The following ANAPC2 variants were observed in gnomAD, a reference collection of about 807,000 sequenced individuals.
The protein encoded by ANAPC2 is anaphase-promoting complex subunit 2.
ANAPC2 carries 29 observed loss-of-function variants against 84.3 expected under a neutral mutation model. The observed-to-expected ratio is 0.34, with a 90% confidence interval of 0.26 to 0.47. The LOEUF is 0.47. ANAPC2 is among the 20% of genes least tolerant of loss of function. The probability of loss-of-function intolerance (pLI) is 1.00; values close to 1 mark genes in which losing one functional copy is unlikely to be tolerated. For synonymous variants in ANAPC2, 571 were observed against 479.4 expected (o/e 1.19, Z -2.50); for missense variants, 857 against 1,131.7 (o/e 0.76, Z 3.48).
Position 137,174,861 on chromosome 9 carries a change from G to A in ANAPC2, c.*81C>T, listed in dbSNP as rs1047091338. 20 of 1,457,092 alleles carry A rather than the reference G, an allele frequency of 1.4e-5. No individual in the cohort carries two copies. Among genetic ancestry groups the A allele is most frequent in the South Asian group, 8.2e-5 (6 of 72,892 alleles). The allele number at this position is 1,457,092 out of a possible 1,614,324, so 90.3% of individuals were successfully genotyped here. On this transcript the variant is annotated 3_prime_UTR_variant, in exon 13 of 13. Coordinates refer to ENST00000323927, the MANE Select transcript of ANAPC2 (RefSeq NM_013366.4). This position sits in a 1 kb window ranked among gnomAD's most constrained non-coding sequence, Gnocchi z 6.1. ...TCCTCAGCAGTGCATTCTGGGACAC[G>A]GGCGGGCGGGGGCTGGCACGGGAGG...
chr9:137,183,331 G>A (rs546288776), intron 5 of ANAPC2, 89 bp from the exon 6 acceptor site: 12 of 1,141,184 alleles, frequency 1.1e-5, no homozygotes, highest in Middle Eastern at 2.0e-4. Flanking sequence ...TGGCCATGCC[G>A]GTAGGTGGTC....
Position 137,181,842 on chromosome 9 carries a change from C to T in ANAPC2, c.1307G>A (p.Arg436Gln). 6.2e-7 allele frequency: 1 copy of T among 1,607,120 alleles called. No homozygotes were observed. The highest frequency in any genetic ancestry group is 8.5e-7 in the Non-Finnish European group (1 of 1,179,708). ...RYLRTREDTV[R>Q]QIVAGLTGDS... ...CCCCGTCAGCCCAGCCACAATCTGC[C>T]GCACTGTGTCCTCCCGCGTCCTGCC... Residue 436 changes from arginine to glutamine, a missense_variant, in exon 7 of 13, where the codon CGG becomes CAG. Around this residue, in one of 3 missense-constraint regions of ANAPC2, gnomAD observed 425 missense variants for 595.5 expected, o/e 0.71. Transcript: ENST00000323927.
intron 4 of ANAPC2, 105 bp downstream of exon 4, chr9:137,184,808 G>A: frequency 7.0e-7 from 1 of 1,426,408 alleles, no homozygotes; most frequent in Middle Eastern, 2.1e-4. Context: ...AGCAGACACG[G>A]TGAAGGCACA....
rs907257969 is a variant in ANAPC2 at position 137,184,894 on chromosome 9, A to G, written c.1048+19T>C. The G allele has an allele frequency of 1.9e-6, 3 of 1,608,766 alleles. No homozygotes were observed. Among genetic ancestry groups the G allele is most frequent in the Non-Finnish European group, 2.5e-6 (3 of 1,178,656 alleles). ...CTCCCCAGACGGGAGAGCGGACCCCAGGGCCGGGGCAGGACCACCTCGGAC... is the reference window on the plus strand; with the variant it reads ...CTCCCCAGACGGGAGAGCGGACCCCGGGGCCGGGGCAGGACCACCTCGGAC... On this transcript the variant is annotated intron_variant, in intron 4 of 12. Transcript: ENST00000323927.
At chr9:137,186,420 C>T (rs1834471622) in intron 2 of ANAPC2, 64 bp from the exon 3 acceptor site, 10 of 1,524,596 alleles carry the variant, frequency 6.6e-6, no homozygotes, top group Non-Finnish European at 7.9e-6. Context: ...CCCAGAACAG[C>T]CCCATGCCAG....
rs758757233 is a variant in ANAPC2 at position 137,183,653 on chromosome 9, GC to G, written c.1168+18del. ...GTGTCTAAGCCCAGAGTGCTGGGTG[GC>G]CGGGCAGCACACAGCACCTGGATGC... On this transcript the variant is annotated intron_variant, in intron 5 of 12. Coordinates refer to ENST00000323927, the MANE Select transcript of ANAPC2 (RefSeq NM_013366.4). The G allele has an allele frequency of 6.2e-7, 1 of 1,604,452 alleles. No homozygotes were observed. The highest frequency in any genetic ancestry group is 1.7e-5 in the Admixed American group (1 of 59,812).
intron 6 of ANAPC2, among the ~76,000 whole-genome samples, chr9:137,182,316 T>C (rs1330826371): frequency 2.6e-5 from 4 of 152,140 alleles, no homozygotes; most frequent in Non-Finnish European, 5.9e-5. Context: ...ATCAAGACTA[T>C]CCTGGCTAAC....
At chr9:137,183,049 C>G (rs1185206220) in intron 6 of ANAPC2, 76 bp downstream of exon 6, 1 of 1,232,006 alleles carries the variant, frequency 8.1e-7, no homozygotes, top group African/African-American at 1.5e-5. Context: ...CACCCTCCGG[C>G]TGCCCCCCAG....
chr9:137,183,509 G>T, intron 5 of ANAPC2, 163 bp downstream of exon 5: 1 of 1,109,008 alleles, frequency 9.0e-7, no homozygotes, highest in Non-Finnish European at 1.2e-6. Context: ...AAGCTGACGG[G>T]CACCTCAGAT....
At chr9:137,177,892 CGGAGCTCCT>C (rs976218041) in intron 10 of ANAPC2, among the ~76,000 whole-genome samples, 4 of 152,180 alleles carry the variant, frequency 2.6e-5, no homozygotes, top group African/African-American at 9.7e-5. Flanking sequence ...CCACAGGCCC[CGGAGCTCCT>C]GGAGCCCCCA....
At chr9:137,185,732 T>C (rs1170387949) in intron 3 of ANAPC2, among the ~76,000 whole-genome samples, 1 of 152,054 alleles carries the variant, frequency 6.6e-6, no homozygotes, top group East Asian at 1.9e-4. Context: ...AGCTCCCCTA[T>C]GGCTCCGGGA....
intron 4 of ANAPC2, 95 bp downstream of exon 4, chr9:137,184,818 A>G: frequency 1.4e-6 from 2 of 1,470,780 alleles, no homozygotes; most frequent in East Asian, 4.7e-5. Flanking sequence ...GTGAAGGCAC[A>G]GGGAGCCCAG....
At chr9:137,183,874 A>G in intron 4 of ANAPC2, 83 bp from the exon 5 acceptor site, 6 of 1,555,820 alleles carry the variant, frequency 3.9e-6, no homozygotes, top group South Asian at 3.5e-5. Flanking sequence ...GCGGTGTGGG[A>G]AAGGACACGT....
chr9:137,182,192 G>A (rs376394918), intron 6 of ANAPC2, among the ~76,000 whole-genome samples: 33 of 151,988 alleles, frequency 2.2e-4, no homozygotes, highest in African/African-American at 7.2e-4. Flanking sequence ...AACAGAGCGA[G>A]AGCCTGCCTC....
Position 137,180,212 on chromosome 9 carries a change from T to C in ANAPC2, c.1859A>G (p.Glu620Gly), listed in dbSNP as rs200368319. ...CTGCTCATACTTCTTGCAGTAAGCCTCCAGGGCTGCCCTGATATCCTCGGG... is the reference window on the plus strand; with the variant it reads ...CTGCTCATACTTCTTGCAGTAAGCCCCCAGGGCTGCCCTGATATCCTCGGG... ...EVPEDIRAAL[E>G]AYCKKYEQLK... The change falls in exon 10 of 13, where the codon GAG becomes GGG. Residue 620 changes from glutamate (E) to glycine (G), a missense_variant. Physicochemically the swap from Glu to Gly is moderately conservative, Grantham distance 98 (BLOSUM62 -2). Around this residue, in one of 3 missense-constraint regions of ANAPC2, gnomAD observed 425 missense variants for 595.5 expected, o/e 0.71. Coordinates refer to ENST00000323927, the MANE Select transcript of ANAPC2 (RefSeq NM_013366.4). 6.2e-7 allele frequency: 1 copy of C among 1,613,738 alleles called. No individual in the cohort carries two copies. Among genetic ancestry groups the C allele is most frequent in the Non-Finnish European group, 8.5e-7 (1 of 1,179,978 alleles).
intron 2 of ANAPC2, chr9:137,187,144 A>C (rs558419216): frequency 6.6e-6 from 2 of 304,746 alleles, no homozygotes; most frequent in African/African-American, 4.2e-5. Flanking sequence ...AATGTCGACG[A>C]GGGTGAGAAT....
At position 137,177,893 on chromosome 9, in the gene ANAPC2, G is replaced by A. The variant is rs111386960; in HGVS notation, c.1891-2056C>T. ...CCAGAGCGAGGCACCCACAGGCCCC[G>A]GAGCTCCTGGAGCCCCCAGAAGCTG... On this transcript the variant is annotated intron_variant, in intron 10 of 12. Transcript: ENST00000323927. Among the ~76,000 whole-genome samples, 166 of 152,278 alleles carry A rather than the reference G, an allele frequency of 1.1e-3. 1 individual carries two copies. The highest frequency in any genetic ancestry group is 3.7e-3 in the African/African-American group (152 of 41,546).
At chr9:137,184,536 G>A (rs1355902098) in intron 4 of ANAPC2, among the ~76,000 whole-genome samples, 1 of 141,680 alleles carries the variant, frequency 7.1e-6, no homozygotes, top group Non-Finnish European at 1.5e-5. Flanking sequence ...CACAGCGAAG[G>A]CCCTGGGAGC....
chr9:137,180,601 G>T (rs1834323407), intron 8 of ANAPC2, 74 bp from the exon 9 acceptor site: 28 of 1,594,722 alleles, frequency 1.8e-5, no homozygotes, highest in Non-Finnish European at 2.3e-5. Flanking sequence ...CAGGGCACGG[G>T]GGTGCCCCCC....
Sources: allele counts gnomAD v4.1 joint callset (sites outside exome capture counted in the v4.1 genomes callset), GRCh38; gene constraint gnomAD v4.1.1; regional missense constraint gnomAD v4.1.1; non-coding constraint Gnocchi (gnomAD v3.1); transcripts MANE v1.5; gene names NCBI Gene and HGNC (gene_info 2026-07-23, HGNC 2026-07-21).